The following CFAP77 variants were observed in gnomAD, a reference collection of about 807,000 sequenced individuals.
CFAP77 encodes the protein cilia and flagella associated protein 77, also known as cilia- and flagella-associated protein 77.
CFAP77 carries 25 observed loss-of-function variants against 31.1 expected under a neutral mutation model. The ratio of observed to expected loss-of-function variants is 0.80; its 90% CI spans 0.59 to 1.12. The LOEUF (loss-of-function observed/expected upper bound fraction) is 1.12. CFAP77 is among the 50% of genes most tolerant of loss of function. CFAP77 has a pLI of 0.00. For missense variants in CFAP77, 377 were observed against 397.3 expected, an observed-to-expected ratio of 0.95 and a Z score of 0.44; for synonymous variants, 151 against 159.9, an observed-to-expected ratio of 0.94 and a Z score of 0.42.
At chr9:132,427,311 C>A (rs1327305089) in intron 1 of CFAP77, among the ~76,000 whole-genome samples, 1 of 152,118 alleles carries the variant, frequency 6.6e-6, no homozygotes, top group African/African-American at 2.4e-5. Flanking sequence ...TCACCCTGAC[C>A]ATTCCCTCCT....
At chr9:132,493,069 G>A (rs369577852) in intron 1 of CFAP77, among the ~76,000 whole-genome samples, 12 of 152,218 alleles carry the variant, frequency 7.9e-5, no homozygotes, top group Admixed American at 1.3e-4. Flanking sequence ...GGTGGCCTCC[G>A]GCTGTGCCCA....
chr9:132,526,515 A>C (rs1417041745), intron 3 of CFAP77, among the ~76,000 whole-genome samples: 2 of 151,200 alleles, frequency 1.3e-5, no homozygotes, highest in Admixed American at 6.6e-5. Flanking sequence ...TACAGGCATG[A>C]GCCACAGCGC....
At chr9:132,479,283 C>T (rs929054795) in intron 1 of CFAP77, among the ~76,000 whole-genome samples, 3 of 152,176 alleles carry the variant, frequency 2.0e-5, no homozygotes, top group Non-Finnish European at 2.9e-5. Flanking sequence ...AGTGCTCAGC[C>T]ATCTTTTGCC....
At chr9:132,562,710 T>A (rs4962192) in intron 5 of CFAP77, among the ~76,000 whole-genome samples, 34,916 of 151,938 alleles carry the variant, frequency 0.23, 5,001 homozygotes, top group East Asian at 0.35. Context: ...ATTTTATTTT[T>A]TTTTTTTGAG....
chr9:132,458,357 G>GGA (rs139008147), intron 1 of CFAP77, among the ~76,000 whole-genome samples: 1 of 119,046 alleles, frequency 8.4e-6, no homozygotes, highest in African/African-American at 3.2e-5. Context: ...GAGGGGGGGG[G>GGA]GTGTGTATGG....
intron 1 of CFAP77, among the ~76,000 whole-genome samples, chr9:132,445,711 A>C (rs1850697284): frequency 6.6e-6 from 1 of 152,004 alleles, no homozygotes; most frequent in Non-Finnish European, 1.5e-5. Context: ...CTACTAAAAA[A>C]TGCAAAAATT....
At chr9:132,488,452 A>C (rs1319626147) in intron 1 of CFAP77, among the ~76,000 whole-genome samples, 1 of 152,244 alleles carries the variant, frequency 6.6e-6, no homozygotes, top group Non-Finnish European at 1.5e-5. Flanking sequence ...TAAGAGGTAC[A>C]GCTGTTTTGC....
rs1851774853 is a variant in CFAP77, at chr9:132,498,076, A to G, written c.196-619A>G. 1.3e-5 allele frequency among the ~76,000 whole-genome samples: 2 copies of G among 152,000 alleles called. No individual in the cohort carries two copies. Among genetic ancestry groups the G allele is most frequent in the Non-Finnish European group, 2.9e-5 (2 of 67,984 alleles). ...GGCTAATGTGGTTGATGACAGGGCA[A>G]TTTCATTTGCACAAACCACCTCTGA... On this transcript the variant is annotated intron_variant, in intron 1 of 5. Transcript: ENST00000393216. The surrounding 1 kb of genome is among the most constrained non-coding windows in gnomAD (Gnocchi z 4.2).
intron 1 of CFAP77, among the ~76,000 whole-genome samples, chr9:132,433,473 C>G (rs768393172): frequency 6.6e-6 from 1 of 152,172 alleles, no homozygotes; most frequent in Non-Finnish European, 1.5e-5. Flanking sequence ...TGTGGGCAGA[C>G]TGCCCTCCAC....
intron 1 of CFAP77, among the ~76,000 whole-genome samples, chr9:132,420,232 C>T (rs920963110): frequency 2.0e-5 from 3 of 150,452 alleles, no homozygotes; most frequent in African/African-American, 7.3e-5. Context: ...GAGGCAGGAG[C>T]AGTATTGGGG....
chr9:132,573,052 C>A lies in CFAP77; in HGVS notation c.*542C>A, dbSNP rs547744905. ...AGCAGGAAGAGCCAATGGTTCATTA[C>A]TCGAGCCTGCCCCCGCCTCCTCAGT... On this transcript the variant is annotated 3_prime_UTR_variant, in exon 6 of 6. Coordinates refer to ENST00000393216, the MANE Select transcript of CFAP77 (RefSeq NM_001282957.2). 1 of 152,918 alleles carries A rather than the reference C, an allele frequency of 6.5e-6. No homozygotes were observed. The highest frequency in any genetic ancestry group is 2.1e-4 in the South Asian group (1 of 4,844). The allele number at this position is 152,918 out of a possible 1,614,324, so 9.5% of individuals were successfully genotyped here. A position where few individuals can be genotyped will look rare whatever the true frequency, so the allele number is the denominator to read the frequency against.
intron 3 of CFAP77, among the ~76,000 whole-genome samples, chr9:132,520,424 T>C (rs532246680): frequency 5.9e-5 from 9 of 152,130 alleles, no homozygotes; most frequent in African/African-American, 1.7e-4. Context: ...GGTGGGAAGA[T>C]TGCTTGAGGC....
rs1389359680 is a variant in CFAP77 at position 132,462,254 on chromosome 9, T to C, written c.196-36441T>C. ...GCCTGTGGCTGATCTCTAGGACGTGTTTCTTGTGAGTTACTCTGGAATAAT... is the reference window on the plus strand; with the variant it reads ...GCCTGTGGCTGATCTCTAGGACGTGCTTCTTGTGAGTTACTCTGGAATAAT... On this transcript the variant is annotated intron_variant, in intron 1 of 5. Coordinates refer to ENST00000393216, the MANE Select transcript of CFAP77 (RefSeq NM_001282957.2). 3.7e-3 allele frequency among the ~76,000 whole-genome samples: 558 copies of C among 152,258 alleles called. 2 individuals are homozygous for C. Among genetic ancestry groups the C allele is most frequent in the African/African-American group, 0.013 (520 of 41,556 alleles).
rs75820309 is a variant in CFAP77 at position 132,477,263 on chromosome 9, C to A, written c.196-21432C>A. ...TCTGTAAACCCGGCACAAGAGTAGA[C>A]CTGCTTCACAGGTCATAACGACGAG... is the stretch of plus-strand genomic sequence containing the variant. On this transcript the variant is annotated intron_variant, in intron 1 of 5. Coordinates refer to ENST00000393216, the MANE Select transcript of CFAP77 (RefSeq NM_001282957.2). Among the ~76,000 whole-genome samples, 1,441 of 152,312 alleles carry A rather than the reference C, an allele frequency of 9.5e-3. 9 individuals are homozygous for A. The highest frequency in any genetic ancestry group is 0.025 in the East Asian group (129 of 5,182).
intron 1 of CFAP77, among the ~76,000 whole-genome samples, chr9:132,412,861 A>G (rs554909152): frequency 2.8e-4 from 42 of 152,108 alleles, no homozygotes; most frequent in Non-Finnish European, 5.3e-4. Context: ...GGAAATTTCT[A>G]CTGAGCTTGG....
chr9:132,557,106 G>A (rs1285428382), intron 5 of CFAP77, among the ~76,000 whole-genome samples: 6 of 152,176 alleles, frequency 3.9e-5, no homozygotes, highest in African/African-American at 7.2e-5. Flanking sequence ...ATGGCGCGGC[G>A]GTTATCATTT....
chr9:132,498,141 A>T lies in CFAP77; in HGVS notation c.196-554A>T, dbSNP rs1454469748. Among the ~76,000 whole-genome samples the T allele has an allele frequency of 2.6e-5, 4 of 152,158 alleles. No homozygotes were observed. The highest frequency in any genetic ancestry group is 9.7e-5 in the African/African-American group (4 of 41,426). On this transcript the variant is annotated intron_variant, in intron 1 of 5. Transcript: ENST00000393216. The surrounding 1 kb of genome is among the most constrained non-coding windows in gnomAD (Gnocchi z 4.2). ...CCCTAGAGTCCCAGGGAGTAAGGAC[A>T]TCTGGCCAGGTGCAGATGGGTGGCA...
intron 3 of CFAP77, among the ~76,000 whole-genome samples, chr9:132,503,172 C>T (rs1056057664): frequency 4.6e-5 from 7 of 152,226 alleles, no homozygotes; most frequent in Admixed American, 4.6e-4. Context: ...ACATCGTCCT[C>T]CCTGTACCTT....
chr9:132,556,208 A>T (rs1852903315), intron 5 of CFAP77, among the ~76,000 whole-genome samples: 1 of 152,288 alleles, frequency 6.6e-6, no homozygotes, highest in East Asian at 1.9e-4. Flanking sequence ...ACACCTCAGC[A>T]GGGCCTCCGT....
Sources: allele counts gnomAD v4.1 joint callset (sites outside exome capture counted in the v4.1 genomes callset), GRCh38; gene constraint gnomAD v4.1.1; non-coding constraint Gnocchi (gnomAD v3.1); transcripts MANE v1.5; gene names NCBI Gene and HGNC (gene_info 2026-07-23, HGNC 2026-07-21).